Variants in ZNF407 observed in about 807,000 individuals in gnomAD.
The protein encoded by ZNF407 is zinc finger protein 407.
ZNF407 carries 17 observed loss-of-function variants against 131.2 expected under a neutral mutation model. That is an observed-to-expected ratio of 0.13 (90% confidence interval 0.09 to 0.19). ZNF407 has a LOEUF of 0.19. Ranked by LOEUF, ZNF407 falls within the 10% of genes least tolerant of loss-of-function variation. The pLI is 1.00. For synonymous variants in ZNF407, 1,156 were observed against 1,062.0 expected, an observed-to-expected ratio of 1.09 and a Z score of -1.72; for missense variants, 2,681 against 2,830.6, an observed-to-expected ratio of 0.95 and a Z score of 1.20.
chr18:74,636,995 A>G (rs1984493829), intron 2 of ZNF407, among the ~76,000 whole-genome samples: 2 of 152,218 alleles, frequency 1.3e-5, no homozygotes, highest in Admixed American at 6.5e-5. Flanking sequence ...ACTGAATAAA[A>G]CTAAGAGGAA....
chr18:74,782,678 G>C (rs2145031675), intron 4 of ZNF407, among the ~76,000 whole-genome samples: 1 of 152,032 alleles, frequency 6.6e-6, no homozygotes, highest in East Asian at 1.9e-4. Flanking sequence ...GGAGTGCAGT[G>C]GCATATGTTA....
At chr18:74,794,735 G>C (rs921836300) in intron 4 of ZNF407, among the ~76,000 whole-genome samples, 1 of 151,796 alleles carries the variant, frequency 6.6e-6, no homozygotes, top group Admixed American at 6.6e-5. Flanking sequence ...CACCTTTTTT[G>C]GTAAAAATGA....
intron 3 of ZNF407, among the ~76,000 whole-genome samples, chr18:74,649,845 A>T (rs916484666): frequency 3.9e-5 from 6 of 152,382 alleles, no homozygotes; most frequent in Non-Finnish European, 7.3e-5. Context: ...AAAGTTAATT[A>T]ATTGATCAAC....
At chr18:74,842,422 A>G (rs931459493) in intron 4 of ZNF407, among the ~76,000 whole-genome samples, 1 of 152,184 alleles carries the variant, frequency 6.6e-6, no homozygotes, top group Non-Finnish European at 1.5e-5. Flanking sequence ...TTAAATTCCT[A>G]CTACTGTGTT....
Position 74,980,067 on chromosome 18 carries a change from G to A in ZNF407, c.5428+59375G>A, listed in dbSNP as rs539940062. On this transcript the variant is annotated intron_variant, in intron 8 of 8. Coordinates refer to ENST00000299687, the MANE Select transcript of ZNF407 (RefSeq NM_017757.3). ...AAATAACAGATTTTAATAAAGGGTC[G>A]TGTTCTTGCGTAAAAGCTGCTTCCA... Among the ~76,000 whole-genome samples, 12 of 151,766 alleles carry A rather than the reference G, an allele frequency of 7.9e-5. No homozygotes were observed. The East Asian group carries it at 9.7e-4, about 12-fold the overall frequency.
chr18:75,036,563 C>T (rs1436080580), intron 8 of ZNF407, among the ~76,000 whole-genome samples: 1 of 152,212 alleles, frequency 6.6e-6, no homozygotes, highest in African/African-American at 2.4e-5. Context: ...TAAATCTTAA[C>T]AAATGTTGTT....
chr18:74,755,885 CTTTTTTTTTT>C (rs34750560), intron 3 of ZNF407, among the ~76,000 whole-genome samples: 49 of 25,832 alleles, frequency 1.9e-3, no homozygotes, highest in East Asian at 9.0e-3. Flanking sequence ...CTTTTCCTTC[CTTTTTTTTTT>C]TTTTTTTTTT....
At chr18:74,915,298 T>G (rs940405335) in intron 7 of ZNF407, among the ~76,000 whole-genome samples, 7 of 151,744 alleles carry the variant, frequency 4.6e-5, no homozygotes, top group African/African-American at 1.7e-4. Flanking sequence ...GTGCAGTGAT[T>G]AGTAAAGAGT....
chr18:75,041,501 A>G (rs991004357), intron 8 of ZNF407, among the ~76,000 whole-genome samples: 10 of 151,904 alleles, frequency 6.6e-5, no homozygotes, highest in Admixed American at 6.6e-4. Flanking sequence ...TAAACAAGCA[A>G]TACCTTGAAA....
intron 4 of ZNF407, among the ~76,000 whole-genome samples, chr18:74,796,264 A>G (rs533436434): frequency 2.6e-5 from 4 of 152,192 alleles, no homozygotes; most frequent in Admixed American, 6.5e-5. Flanking sequence ...GTCTAGATAT[A>G]TTTTTGTGTT....
intron 8 of ZNF407, among the ~76,000 whole-genome samples, chr18:74,944,598 C>A (rs12970696): frequency 0.2 from 29,729 of 152,100 alleles, 3,231 homozygotes; most frequent in South Asian, 0.25. Context: ...TAATATGAAA[C>A]ATAAGAACAG....
At chr18:74,939,065 A>G (rs1972069848) in intron 8 of ZNF407, among the ~76,000 whole-genome samples, 1 of 152,222 alleles carries the variant, frequency 6.6e-6, no homozygotes, top group African/African-American at 2.4e-5. Flanking sequence ...TCAGAAAGAG[A>G]GGGTAATAAA....
intron 3 of ZNF407, among the ~76,000 whole-genome samples, chr18:74,730,769 A>G (rs758103279): frequency 9.9e-5 from 15 of 152,224 alleles, no homozygotes; most frequent in Non-Finnish European, 1.9e-4. Context: ...ATAGGATTAT[A>G]GAAAGAATGA....
chr18:74,694,158 A>T (rs987183996), intron 3 of ZNF407, among the ~76,000 whole-genome samples: 3 of 151,640 alleles, frequency 2.0e-5, no homozygotes, highest in African/African-American at 7.3e-5. Flanking sequence ...AGAATGTTGG[A>T]TTTTTTTCCT....
chr18:74,937,552 C>G (rs1972052437), intron 8 of ZNF407, among the ~76,000 whole-genome samples: 1 of 152,106 alleles, frequency 6.6e-6, no homozygotes, highest in East Asian at 1.9e-4. Flanking sequence ...CAGGGTTCGA[C>G]CACAGAAGCA....
At chr18:74,839,126 T>G (rs1459567841) in intron 4 of ZNF407, among the ~76,000 whole-genome samples, 2 of 152,350 alleles carry the variant, frequency 1.3e-5, no homozygotes, top group African/African-American at 2.4e-5. Context: ...ATCATGCTGA[T>G]AAGTGTAGTT....
intron 4 of ZNF407, among the ~76,000 whole-genome samples, chr18:74,787,187 T>C (rs987074931): frequency 2.0e-5 from 3 of 152,164 alleles, no homozygotes; most frequent in Admixed American, 6.5e-5. Flanking sequence ...GTCATATCAA[T>C]TCATCTAAAG....
At chr18:74,678,990 A>G (rs887489194) in intron 3 of ZNF407, among the ~76,000 whole-genome samples, 4 of 151,904 alleles carry the variant, frequency 2.6e-5, no homozygotes, top group African/African-American at 9.7e-5. Context: ...CAGAGGAGAA[A>G]ATTTCAAAGC....
intron 4 of ZNF407, among the ~76,000 whole-genome samples, chr18:74,865,551 A>G (rs910228304): frequency 9.2e-5 from 14 of 152,194 alleles, no homozygotes; most frequent in African/African-American, 3.4e-4. Context: ...TTATAAAGAA[A>G]CTTAGTTTAA....
Sources: gnomAD v4.1 joint callset for allele counts (sites outside exome capture counted in the v4.1 genomes callset) on GRCh38, gnomAD v4.1.1 for gene constraint, MANE v1.5 for transcripts, NCBI Gene and HGNC (gene_info 2026-07-23, HGNC 2026-07-21) for gene names.